The following GPAT4 variants were observed in gnomAD, a reference collection of about 807,000 sequenced individuals.
GPAT4 encodes the protein glycerol-3-phosphate acyltransferase 4.
Under a neutral mutation model 58.0 loss-of-function variants are expected in GPAT4, and 17 were observed. That is an observed-to-expected ratio of 0.29 (90% CI 0.20 to 0.44). The LOEUF is 0.44. Among genes scored for constraint, GPAT4 ranks in the 20% least tolerant of loss-of-function variants. The pLI is 1.00. For synonymous variants in GPAT4, 204 were observed against 210.1 expected (o/e 0.97, Z 0.25); for missense variants, 377 against 574.5 (o/e 0.66, Z 3.51).
Position 41,612,961 on chromosome 8 carries a change from G to A in GPAT4, c.911+1G>A, listed in dbSNP as rs778109201. 1.2e-6 allele frequency: 2 copies of A among 1,613,734 alleles called. No homozygotes were observed. The highest frequency in any genetic ancestry group is 1.1e-5 in the South Asian group (1 of 91,040). On this transcript the variant is annotated splice_donor_variant, in intron 8 of 12. Coordinates refer to ENST00000396987, the MANE Select transcript of GPAT4 (RefSeq NM_178819.4). LOFTEE classifies it high-confidence loss of function. Reference sequence around the variant, plus strand: ...AGGATCGCCACCTGGTGGCTAAGAGGTAATGGACAGAACACTGCTGTTCTG... The same window carrying A: ...AGGATCGCCACCTGGTGGCTAAGAGATAATGGACAGAACACTGCTGTTCTG...
At chr8:41,619,141 C>A in intron 12 of GPAT4, 164 bp downstream of exon 12, 1 of 807,620 alleles carries the variant, frequency 1.2e-6, no homozygotes, top group Non-Finnish European at 1.9e-6. Flanking sequence ...CCCTGTGCTT[C>A]CTTGACCTTG....
intron 2 of GPAT4, 94 bp from the exon 3 acceptor site, chr8:41,609,322 G>A (rs1563276852): frequency 7.6e-7 from 1 of 1,309,452 alleles, no homozygotes; most frequent in South Asian, 1.2e-5. Flanking sequence ...TAGGTGACTG[G>A]GACTGAGGCT....
chr8:41,592,243 C>T (rs1460683345), intron 1 of GPAT4, among the ~76,000 whole-genome samples: 1 of 152,098 alleles, frequency 6.6e-6, no homozygotes. Flanking sequence ...GGTAATTTGG[C>T]TTAAGCTCTA....
chr8:41,599,601 A>G (rs1803027394), intron 2 of GPAT4, among the ~76,000 whole-genome samples: 1 of 152,242 alleles, frequency 6.6e-6, no homozygotes, highest in Non-Finnish European at 1.5e-5. Context: ...CTCTTCTTGC[A>G]TAACTGATGC....
intron 2 of GPAT4, among the ~76,000 whole-genome samples, chr8:41,600,957 G>A (rs368894402): frequency 6.6e-6 from 1 of 151,978 alleles, no homozygotes; most frequent in East Asian, 1.9e-4. Flanking sequence ...TGTGGGTGAG[G>A]GGCTGAATTA....
chr8:41,606,023 G>A (rs1803259702), intron 2 of GPAT4, among the ~76,000 whole-genome samples: 1 of 152,230 alleles, frequency 6.6e-6, no homozygotes, highest in African/African-American at 2.4e-5. Context: ...GCATCCTCTT[G>A]GGAGGATGGC....
At chr8:41,593,717 A>G (rs574752196) in intron 1 of GPAT4, among the ~76,000 whole-genome samples, 1 of 152,262 alleles carries the variant, frequency 6.6e-6, no homozygotes, top group East Asian at 1.9e-4. Flanking sequence ...TGAGAACGTG[A>G]TCCTCAGGCT....
At chr8:41,593,322 A>G (rs769665230) in intron 1 of GPAT4, among the ~76,000 whole-genome samples, 3 of 152,236 alleles carry the variant, frequency 2.0e-5, no homozygotes, top group African/African-American at 7.2e-5. Flanking sequence ...GTGTGGCATT[A>G]TACAAACAAG....
At chr8:41,585,518 C>T (rs1421183886) in intron 1 of GPAT4, among the ~76,000 whole-genome samples, 1 of 152,172 alleles carries the variant, frequency 6.6e-6, no homozygotes, top group Non-Finnish European at 1.5e-5. Context: ...TTGCCTCCAG[C>T]TTTATGGTGA....
intron 10 of GPAT4, among the ~76,000 whole-genome samples, chr8:41,617,256 C>T (rs377508976): frequency 6.6e-6 from 1 of 151,990 alleles, no homozygotes; most frequent in East Asian, 1.9e-4. Flanking sequence ...CCCAGCTACT[C>T]GGGAGGCTGG....
At chr8:41,581,599 G>A (rs1030635304) in intron 1 of GPAT4, among the ~76,000 whole-genome samples, 3 of 150,040 alleles carry the variant, frequency 2.0e-5, no homozygotes, top group African/African-American at 7.4e-5. Flanking sequence ...TTACAGACAT[G>A]AGCCACCATG....
At chr8:41,594,545 A>AC (rs1332310585) in intron 1 of GPAT4, among the ~76,000 whole-genome samples, 48 of 109,480 alleles carry the variant, frequency 4.4e-4, no homozygotes, top group African/African-American at 1.8e-3. Context: ...CTTATTACAA[A>AC]CTTTTTTTTT....
rs1441900851 is a variant in GPAT4 at position 41,595,828 on chromosome 8, CTCTCTGTCTCTTT to C, written c.-848-2452_-848-2440del. Among the ~76,000 whole-genome samples, 5 of 151,898 alleles carry C rather than the reference CTCTCTGTCTCTTT, an allele frequency of 3.3e-5. No individual in the cohort carries two copies. In the East Asian group the frequency reaches 5.8e-4, roughly 18 times the overall value. On this transcript the variant is annotated intron_variant, in intron 1 of 12. Coordinates refer to ENST00000396987, the MANE Select transcript of GPAT4 (RefSeq NM_178819.4). Reference sequence around the variant, plus strand: ...TTCCTGTCTCTCTTTTCCTCTTTTCCTCTCTGTCTCTTTTCTCTGTCTCTCTCTGCTGGTCTTT... The same window carrying C: ...TTCCTGTCTCTCTTTTCCTCTTTTCCTCTCTGTCTCTCTCTGCTGGTCTTT...
chr8:41,589,342 A>G (rs1802731285), intron 1 of GPAT4, among the ~76,000 whole-genome samples: 1 of 120,774 alleles, frequency 8.3e-6, no homozygotes, highest in Non-Finnish European at 1.7e-5. Flanking sequence ...AGCAAAAGGA[A>G]CTCGGGGTGG....
rs1449896335 is a variant in GPAT4 at position 41,621,321 on chromosome 8, G to A, written c.*320G>A. On this transcript the variant is annotated 3_prime_UTR_variant, in exon 13 of 13. Coordinates refer to ENST00000396987, the MANE Select transcript of GPAT4 (RefSeq NM_178819.4). ...GCACGCTGTGCGGGCTGAGTGGTTG[G>A]GGAGATGTGGCCATGGTCTTGTGCT... 3.2e-6 allele frequency: 1 copy of A among 315,766 alleles called. No homozygotes were observed. The allele number at this position is 315,766 out of a possible 1,614,324, so 19.6% of individuals were successfully genotyped here.
At position 41,624,431 on chromosome 8, in the gene GPAT4, G is replaced by A. The variant is rs1803851596; in HGVS notation, c.*3430G>A. 1.3e-5 allele frequency: 2 copies of A among 152,182 alleles called. No homozygotes were observed. The highest frequency in any genetic ancestry group is 1.3e-4 in the Admixed American group (2 of 15,274). 9.4% of individuals were successfully genotyped at this position (152,182 alleles called of 1,614,324 possible). A position where few individuals can be genotyped will look rare whatever the true frequency, so the allele number is the denominator to read the frequency against. On this transcript the variant is annotated 3_prime_UTR_variant, in exon 13 of 13. Coordinates refer to ENST00000396987, the MANE Select transcript of GPAT4 (RefSeq NM_178819.4). The stretch of plus-strand genomic sequence containing the variant: ...ATCCTGCCATTTCCTTCCTGGAATT[G>A]GCCAGGAACTTGATTTTCTGGGCTA...
chr8:41,600,709 A>C (rs1803064697), intron 2 of GPAT4, among the ~76,000 whole-genome samples: 1 of 151,776 alleles, frequency 6.6e-6, no homozygotes, highest in South Asian at 2.1e-4. Context: ...AATTCACAAC[A>C]TTTTCATCAG....
intron 1 of GPAT4, among the ~76,000 whole-genome samples, chr8:41,587,444 G>A (rs1321940254): frequency 6.6e-6 from 1 of 152,182 alleles, no homozygotes; most frequent in African/African-American, 2.4e-5. Flanking sequence ...ATTGGGAGAC[G>A]TTGATGTTTG....
intron 2 of GPAT4, among the ~76,000 whole-genome samples, chr8:41,608,787 C>G (rs1172946415): frequency 6.6e-6 from 1 of 151,380 alleles, no homozygotes; most frequent in East Asian, 1.9e-4. Context: ...ATGAACGCAG[C>G]TAGTGAATGT....
Sources: allele counts gnomAD v4.1 joint callset (sites outside exome capture counted in the v4.1 genomes callset), GRCh38; gene constraint gnomAD v4.1.1; transcripts MANE v1.5; gene names NCBI Gene and HGNC (gene_info 2026-07-23, HGNC 2026-07-21).